Variants in GALNTL6 observed in about 807,000 individuals in gnomAD.
The protein encoded by GALNTL6 is polypeptide N-acetylgalactosaminyltransferase like 6, also known as polypeptide N-acetylgalactosaminyltransferase-like 6.
In GALNTL6, 46 loss-of-function variants were observed where a neutral mutation model predicts 73.7. That is an observed-to-expected ratio of 0.62 (90% confidence interval 0.49 to 0.80). The LOEUF is 0.80. Among genes scored for constraint, GALNTL6 ranks in the 30% least tolerant of loss-of-function variants. The probability of loss-of-function intolerance (pLI) is 0.00; values close to 1 mark genes in which losing one functional copy is unlikely to be tolerated. For synonymous variants in GALNTL6, 259 were observed against 263.7 expected, an observed-to-expected ratio of 0.98 and a Z score of 0.17; for missense variants, 604 against 755.0, an observed-to-expected ratio of 0.80 and a Z score of 2.34.
rs1579111307 is a variant in GALNTL6 at position 172,480,278 on chromosome 4, A to G, written c.553+131589A>G. Among the ~76,000 whole-genome samples the G allele has an allele frequency of 2.0e-5, 3 of 151,572 alleles. No homozygotes were observed. The South Asian group carries it at 6.3e-4, about 32-fold the overall frequency. ...CCATGAGTCATGATCACACCACTGT[A>G]CTCCAGCCTAGGCAACAGGGCGAGG... On this transcript the variant is annotated intron_variant, in intron 5 of 12. Transcript: ENST00000506823.
intron 2 of GALNTL6, among the ~76,000 whole-genome samples, chr4:172,152,564 ATGAG>A: frequency 6.6e-6 from 1 of 152,326 alleles, no homozygotes; most frequent in Non-Finnish European, 1.5e-5. Context: ...TTATGTAAGA[ATGAG>A]TAACGAAGAA....
chr4:172,612,775 G>T (rs779657080), intron 5 of GALNTL6, among the ~76,000 whole-genome samples: 1 of 152,000 alleles, frequency 6.6e-6, no homozygotes, highest in Non-Finnish European at 1.5e-5. Context: ...TGTTATTAAG[G>T]CCTAAACAAA....
chr4:172,583,667 C>T (rs1448807888), intron 5 of GALNTL6, among the ~76,000 whole-genome samples: 7 of 151,934 alleles, frequency 4.6e-5, no homozygotes, highest in South Asian at 4.2e-4. Flanking sequence ...TTTGGGAGGT[C>T]GAGGCGGGTG....
intron 5 of GALNTL6, among the ~76,000 whole-genome samples, chr4:172,460,855 T>C (rs1028410978): frequency 6.6e-6 from 1 of 152,204 alleles, no homozygotes; most frequent in African/African-American, 2.4e-5. Flanking sequence ...GATCCAGCAA[T>C]CCCATTACTG....
At chr4:172,679,416 A>C (rs904951297) in intron 5 of GALNTL6, among the ~76,000 whole-genome samples, 1 of 152,076 alleles carries the variant, frequency 6.6e-6, no homozygotes, top group Non-Finnish European at 1.5e-5. Flanking sequence ...CATCTCAAAA[A>C]AAAAAAAAAA....
intron 5 of GALNTL6, among the ~76,000 whole-genome samples, chr4:172,572,677 C>G (rs1047666045): frequency 2.6e-5 from 4 of 152,224 alleles, no homozygotes; most frequent in East Asian, 1.9e-4. Context: ...TCCAAATGAC[C>G]TATTACTTTC....
At chr4:172,833,926 C>T (rs1263460612) in intron 7 of GALNTL6, among the ~76,000 whole-genome samples, 1 of 152,106 alleles carries the variant, frequency 6.6e-6, no homozygotes, top group East Asian at 1.9e-4. Flanking sequence ...ACCAGCCTGG[C>T]CAACATGGTA....
intron 3 of GALNTL6, among the ~76,000 whole-genome samples, chr4:172,242,867 A>G (rs1241933742): frequency 6.6e-6 from 1 of 152,230 alleles, no homozygotes; most frequent in Non-Finnish European, 1.5e-5. Context: ...CAAACCACCA[A>G]TGTCTCCTGC....
At chr4:172,525,706 C>T (rs1734927998) in intron 5 of GALNTL6, among the ~76,000 whole-genome samples, 1 of 151,870 alleles carries the variant, frequency 6.6e-6, no homozygotes, top group Non-Finnish European at 1.5e-5. Flanking sequence ...TACAAAAAAT[C>T]AAAAAATTAG....
At chr4:173,025,811 T>G (rs932142510) in intron 12 of GALNTL6, among the ~76,000 whole-genome samples, 21 of 152,210 alleles carry the variant, frequency 1.4e-4, no homozygotes, top group African/African-American at 4.8e-4. Flanking sequence ...TAAGGGGATC[T>G]TGAATAGTTG....
chr4:172,511,193 T>C (rs1400070780), intron 5 of GALNTL6, among the ~76,000 whole-genome samples: 1 of 54,974 alleles, frequency 1.8e-5, no homozygotes, highest in Non-Finnish European at 4.2e-5. Context: ...TTTACAGAAA[T>C]TTATCCATCT....
intron 7 of GALNTL6, among the ~76,000 whole-genome samples, chr4:172,855,532 A>C (rs191412585): frequency 6.6e-6 from 1 of 152,192 alleles, no homozygotes; most frequent in African/African-American, 2.4e-5. Context: ...TCTGTGTTCT[A>C]ATCAGTCAGT....
intron 2 of GALNTL6, among the ~76,000 whole-genome samples, chr4:171,960,667 A>G (rs1208547289): frequency 3.4e-5 from 5 of 147,148 alleles, no homozygotes; most frequent in African/African-American, 1.0e-4. Flanking sequence ...AAAAAAACTC[A>G]GAGAAATGAC....
chr4:172,968,718 G>A (rs1463249621), intron 10 of GALNTL6, among the ~76,000 whole-genome samples: 1 of 152,126 alleles, frequency 6.6e-6, no homozygotes, highest in East Asian at 1.9e-4. Flanking sequence ...CAGAGTTAGA[G>A]CAGGAAGTTT....
intron 3 of GALNTL6, among the ~76,000 whole-genome samples, chr4:172,234,176 C>T (rs1411324516): frequency 6.6e-6 from 1 of 151,970 alleles, no homozygotes; most frequent in African/African-American, 2.4e-5. Context: ...AATGTAGACA[C>T]TCATATTTGC....
intron 5 of GALNTL6, among the ~76,000 whole-genome samples, chr4:172,604,117 T>G (rs1381914857): frequency 6.6e-6 from 1 of 152,186 alleles, no homozygotes; most frequent in African/African-American, 2.4e-5. Context: ...TTTCATAATA[T>G]GATTTTTTAT....
intron 2 of GALNTL6, among the ~76,000 whole-genome samples, chr4:171,823,757 T>A (rs1734745644): frequency 6.6e-6 from 1 of 151,438 alleles, no homozygotes; most frequent in Non-Finnish European, 1.5e-5. Flanking sequence ...AAGCTACCTG[T>A]CAACATAAAT....
chr4:172,893,949 T>C (rs947356436), intron 8 of GALNTL6, among the ~76,000 whole-genome samples: 3 of 152,178 alleles, frequency 2.0e-5, no homozygotes, highest in Non-Finnish European at 2.9e-5. Flanking sequence ...GCCCCTTCCT[T>C]AGGACCTAGT....
At chr4:172,810,830 G>T (rs1741253457) in intron 6 of GALNTL6, among the ~76,000 whole-genome samples, 1 of 152,140 alleles carries the variant, frequency 6.6e-6, no homozygotes, top group African/African-American at 2.4e-5. Context: ...GCAACAGTGA[G>T]ATTCCCTCAA....
Sources: gnomAD v4.1 joint callset for allele counts (sites outside exome capture counted in the v4.1 genomes callset) on GRCh38, gnomAD v4.1.1 for gene constraint, MANE v1.5 for transcripts, NCBI Gene and HGNC (gene_info 2026-07-23, HGNC 2026-07-21) for gene names.